ARIH1: variants seen among roughly 807,000 people sequenced by gnomAD.
ARIH1 encodes E3 ubiquitin-protein ligase ARIH1.
In ARIH1, 8 loss-of-function variants were observed where a neutral mutation model predicts 85.0. That is an observed-to-expected ratio of 0.09 (90% CI 0.06 to 0.17). The LOEUF (loss-of-function observed/expected upper bound fraction) is 0.17, where lower values mean the gene tolerates loss of function less well. ARIH1 is among the 10% of genes least tolerant of loss of function. The pLI, the probability that ARIH1 is intolerant of heterozygous loss-of-function variation, is 1.00. For missense variants in ARIH1, 311 were observed against 718.1 expected (o/e 0.43, Z 6.48); for synonymous variants, 238 against 253.6 (o/e 0.94, Z 0.59).
intron 1 of ARIH1, among the ~76,000 whole-genome samples, chr15:72,475,587 T>C (rs529673372): frequency 6.6e-6 from 1 of 152,352 alleles, no homozygotes; most frequent in East Asian, 1.9e-4. Flanking sequence ...CTGATGGGCC[T>C]TCTTTTCAGA....
chr15:72,516,878 T>G (rs2063977388), intron 1 of ARIH1, among the ~76,000 whole-genome samples: 1 of 152,192 alleles, frequency 6.6e-6, no homozygotes, highest in South Asian at 2.1e-4. Context: ...GGTTATTTGA[T>G]GTAGTAAAAT....
At chr15:72,513,252 T>A (rs924994253) in intron 1 of ARIH1, among the ~76,000 whole-genome samples, 2 of 152,178 alleles carry the variant, frequency 1.3e-5, no homozygotes, top group Non-Finnish European at 2.9e-5. Context: ...TTGAAATTTT[T>A]AAAATATTCT....
At chr15:72,533,330 A>C (rs368619502) in intron 2 of ARIH1, among the ~76,000 whole-genome samples, 1 of 152,166 alleles carries the variant, frequency 6.6e-6, no homozygotes, top group Non-Finnish European at 1.5e-5. Context: ...GGGTTTCACC[A>C]TGTTGGCCAG....
chr15:72,579,233 C>G (rs776651221), intron 11 of ARIH1, among the ~76,000 whole-genome samples: 1 of 152,036 alleles, frequency 6.6e-6, no homozygotes, highest in African/African-American at 2.4e-5. Context: ...GAAACTAGAT[C>G]GTGTTGTCCT....
Position 72,584,942 on chromosome 15 carries a change from G to A in ARIH1, c.*1650G>A, listed in dbSNP as rs2064309800. The A allele has an allele frequency of 6.6e-6, 1 of 150,938 alleles. No individual in the cohort carries two copies. The highest frequency in any genetic ancestry group is 2.4e-5 in the African/African-American group (1 of 40,936). The allele number at this position is 150,938 out of a possible 1,614,324, so 9.3% of individuals were successfully genotyped here. On this transcript the variant is annotated 3_prime_UTR_variant, in exon 14 of 14. Coordinates refer to ENST00000379887, the MANE Select transcript of ARIH1 (RefSeq NM_005744.5). Reference sequence around the variant, plus strand: ...GTCTAAATATGAAATACCAGTTGAGGCTGAGGACCTCTTCGTCTTCCTTTA... The same window carrying A: ...GTCTAAATATGAAATACCAGTTGAGACTGAGGACCTCTTCGTCTTCCTTTA...
chr15:72,502,935 C>T (rs1380500692), intron 1 of ARIH1, among the ~76,000 whole-genome samples: 2 of 152,208 alleles, frequency 1.3e-5, no homozygotes, highest in East Asian at 1.9e-4. Flanking sequence ...CTTTTACCTT[C>T]CTTCTCCTGT....
chr15:72,498,961 ATTTTTTTTTTT>A (rs535261674), intron 1 of ARIH1, among the ~76,000 whole-genome samples: 10 of 88,430 alleles, frequency 1.1e-4, no homozygotes, highest in African/African-American at 4.2e-4. Flanking sequence ...CTTTTCATAA[ATTTTTTTTTTT>A]TTTTTTTTTT....
intron 11 of ARIH1, among the ~76,000 whole-genome samples, chr15:72,573,097 C>G (rs1165085526): frequency 6.6e-6 from 1 of 152,154 alleles, no homozygotes; most frequent in Non-Finnish European, 1.5e-5. Flanking sequence ...AATGATTTTC[C>G]TAGCCAGGGT....
chr15:72,560,726 A>C (rs1338147495), intron 5 of ARIH1, among the ~76,000 whole-genome samples: 1 of 152,196 alleles, frequency 6.6e-6, no homozygotes, highest in Admixed American at 6.5e-5. Flanking sequence ...GGAAGGAGAG[A>C]GGCCTATGAA....
rs1403368283 is a variant in ARIH1, at chr15:72,589,553, C to G, written c.*6261C>G. ...AGTTACCCCATAGCTCCAGGTATTA[C>G]ATGTTAACTGTTCCTGACACATGTA... On this transcript the variant is annotated 3_prime_UTR_variant, in exon 14 of 14. Transcript: ENST00000379887. The G allele has an allele frequency of 1.3e-5, 2 of 152,220 alleles. No individual in the cohort carries two copies. The highest frequency in any genetic ancestry group is 6.5e-5 in the Admixed American group (1 of 15,272). The allele number at this position is 152,220 out of a possible 1,614,324, so 9.4% of individuals were successfully genotyped here. A position where few individuals can be genotyped will look rare whatever the true frequency, so the allele number is the denominator to read the frequency against.
chr15:72,600,536 A>C lies in ARIH1; in HGVS notation c.*17244A>C, dbSNP rs1448406287. ...GTAGCTAGGACTACAGACACATGCC[A>C]TCATGCCAGGCTCATTTTAAAATTT... On this transcript the variant is annotated 3_prime_UTR_variant, in exon 14 of 14. Transcript: ENST00000379887. 6.6e-6 allele frequency: 1 copy of C among 152,184 alleles called. No homozygotes were observed. Among genetic ancestry groups the C allele is most frequent in the South Asian group, 2.1e-4 (1 of 4,832 alleles). 9.4% of individuals were successfully genotyped at this position (152,184 alleles called of 1,614,324 possible). A position where few individuals can be genotyped will look rare whatever the true frequency, so the allele number is the denominator to read the frequency against.
chr15:72,544,658 A>G (rs997745472), intron 2 of ARIH1, among the ~76,000 whole-genome samples, 162 bp from the exon 3 acceptor site: 12 of 152,118 alleles, frequency 7.9e-5, no homozygotes, highest in Non-Finnish European at 5.9e-5. Flanking sequence ...TATTTGCTAT[A>G]ATTTGTACCA....
At chr15:72,527,896 C>G (rs902175233) in intron 2 of ARIH1, among the ~76,000 whole-genome samples, 1 of 152,188 alleles carries the variant, frequency 6.6e-6, no homozygotes, top group East Asian at 1.9e-4. Context: ...ACACATAACG[C>G]AGTTCCTAAT....
intron 2 of ARIH1, among the ~76,000 whole-genome samples, chr15:72,529,271 C>A (rs2064044888): frequency 6.6e-6 from 1 of 152,200 alleles, no homozygotes; most frequent in Non-Finnish European, 1.5e-5. Flanking sequence ...CTCCCCCTAT[C>A]TCACTATCTC....
At chr15:72,574,031 T>A (rs1281202580) in intron 11 of ARIH1, among the ~76,000 whole-genome samples, 1 of 152,208 alleles carries the variant, frequency 6.6e-6, no homozygotes, top group Non-Finnish European at 1.5e-5. Flanking sequence ...TATGTTCTTA[T>A]CACCTTTTTT....
rs2064361248 is a variant in ARIH1 at position 72,595,808 on chromosome 15, G to GTTTTTTTTTTTTTTTTTTCT, written c.*12535_*12536insTTTTTTTTTTTTTTTTTTTC. 35 of 122,742 alleles carry GTTTTTTTTTTTTTTTTTTCT rather than the reference G, an allele frequency of 2.9e-4. No homozygotes were observed. Among genetic ancestry groups the GTTTTTTTTTTTTTTTTTTCT allele is most frequent in the South Asian group, 5.6e-4 (2 of 3,570 alleles). 7.6% of individuals were successfully genotyped at this position (122,742 alleles called of 1,614,324 possible). On this transcript the variant is annotated 3_prime_UTR_variant, in exon 14 of 14. Transcript: ENST00000379887. ...TATTGCAGTGTTTTTTGTTTTTTCT[G>GTTTTTTTTTTTTTTTTTTCT]TTTTTTTTTTTTTTTTTTCATCTTT...
At chr15:72,576,943 C>T (rs1375162649) in intron 11 of ARIH1, among the ~76,000 whole-genome samples, 1 of 151,870 alleles carries the variant, frequency 6.6e-6, no homozygotes, top group African/African-American at 2.4e-5. Context: ...TCAATTAACA[C>T]ATATTTTGTA....
intron 6 of ARIH1, among the ~76,000 whole-genome samples, chr15:72,562,642 G>T (rs1331979313): frequency 6.6e-6 from 1 of 151,408 alleles, no homozygotes; most frequent in Non-Finnish European, 1.5e-5. Context: ...CTTTTTATGG[G>T]AGAAGTTGTA....
In ARIH1 at chr15:72,597,024, A is replaced by T. The variant is rs2064365934; in HGVS notation, c.*13732A>T. The T allele has an allele frequency of 1.3e-5, 2 of 151,996 alleles. No individual in the cohort carries two copies. The highest frequency in any genetic ancestry group is 4.1e-4 in the South Asian group (2 of 4,822). The allele number at this position is 151,996 out of a possible 1,614,324, so 9.4% of individuals were successfully genotyped here. On this transcript the variant is annotated 3_prime_UTR_variant, in exon 14 of 14. Transcript: ENST00000379887. ...CTGGGTCTTTTCTAGTTCTGCTTCT[A>T]TTGAGCCCTTCCTCTCCCTTACCAT...
Sources: gnomAD v4.1 joint callset for allele counts (sites outside exome capture counted in the v4.1 genomes callset) on GRCh38, gnomAD v4.1.1 for gene constraint, MANE v1.5 for transcripts, NCBI Gene and HGNC (gene_info 2026-07-23, HGNC 2026-07-21) for gene names.